Variants in ADARB2 observed in about 807,000 individuals in gnomAD.
The protein encoded by ADARB2 is adenosine deaminase RNA specific B2 (inactive).
A neutral mutation model predicts 62.2 loss-of-function variants in ADARB2; 25 were observed. That is an observed-to-expected ratio of 0.40 (90% confidence interval 0.29 to 0.56). The LOEUF (loss-of-function observed/expected upper bound fraction) is 0.56, where lower values mean the gene tolerates loss of function less well. Ranked by LOEUF, ADARB2 falls within the 20% of genes least tolerant of loss-of-function variation. The pLI is 0.43. For missense variants in ADARB2, 1,071 were observed against 1,077.4 expected (o/e 0.99, Z 0.08); for synonymous variants, 572 against 500.8 (o/e 1.14, Z -1.90).
intron 1 of ADARB2, among the ~76,000 whole-genome samples, chr10:1,639,786 G>A (rs1039638965): frequency 9.9e-5 from 15 of 152,162 alleles, no homozygotes; most frequent in Admixed American, 8.5e-4. Flanking sequence ...AGGTTGCAGC[G>A]AGCGGAGATC....
chr10:1,320,772 A>C (rs193061304), intron 3 of ADARB2, among the ~76,000 whole-genome samples: 13 of 152,372 alleles, frequency 8.5e-5, no homozygotes, highest in Non-Finnish European at 1.8e-4. Context: ...ATGATAAAAT[A>C]ATTCCTTAAG....
At chr10:1,584,798 G>A (rs1833152872) in intron 1 of ADARB2, among the ~76,000 whole-genome samples, 1 of 152,128 alleles carries the variant, frequency 6.6e-6, no homozygotes, top group African/African-American at 2.4e-5. Flanking sequence ...GCCACAAAAA[G>A]ACACGGGGGA....
At chr10:1,350,231 G>A (rs118173817) in intron 3 of ADARB2, among the ~76,000 whole-genome samples, 2,785 of 152,210 alleles carry the variant, frequency 0.018, 34 homozygotes, top group Middle Eastern at 0.065. Context: ...CTGACGTCCA[G>A]GCTTTCTTTC....
At chr10:1,431,789 T>G (rs749018650) in intron 1 of ADARB2, among the ~76,000 whole-genome samples, 1 of 152,220 alleles carries the variant, frequency 6.6e-6, no homozygotes, top group African/African-American at 2.4e-5. Flanking sequence ...ACAGAACGTG[T>G]AGTTTTTAAA....
At chr10:1,725,479 AG>A (rs1411357263) in intron 1 of ADARB2, among the ~76,000 whole-genome samples, 7 of 152,206 alleles carry the variant, frequency 4.6e-5, no homozygotes, top group Admixed American at 4.6e-4. Context: ...TGCAGCCCAG[AG>A]GAAGAGACGC....
chr10:1,691,437 C>T (rs959702291), intron 1 of ADARB2, among the ~76,000 whole-genome samples: 5 of 152,164 alleles, frequency 3.3e-5, no homozygotes, highest in African/African-American at 9.7e-5. Context: ...TTTCTTGTGT[C>T]TCAGAGTCTA....
At chr10:1,408,508 C>T (rs1024762618) in intron 1 of ADARB2, among the ~76,000 whole-genome samples, 4 of 152,202 alleles carry the variant, frequency 2.6e-5, no homozygotes, top group Admixed American at 6.5e-5. Flanking sequence ...TCAGGGCTCT[C>T]GATTTCCAAA....
intron 7 of ADARB2, among the ~76,000 whole-genome samples, chr10:1,213,330 G>C (rs914633359): frequency 6.6e-6 from 1 of 151,636 alleles, no homozygotes; most frequent in Admixed American, 6.6e-5. Context: ...CGCAGAGACA[G>C]AGAGAGGCCG....
At chr10:1,430,055 G>A (rs116706878) in intron 1 of ADARB2, among the ~76,000 whole-genome samples, 130 of 152,270 alleles carry the variant, frequency 8.5e-4, no homozygotes, top group African/African-American at 3.1e-3. Flanking sequence ...TCCTCATGTG[G>A]CGCTCTCTAT....
intron 1 of ADARB2, among the ~76,000 whole-genome samples, chr10:1,427,805 C>A (rs72762980): frequency 0.043 from 6,566 of 152,278 alleles, 191 homozygotes; most frequent in Non-Finnish European, 0.063. Flanking sequence ...TTTATAATAG[C>A]TCCACACTGG....
chr10:1,316,594 G>A (rs757996878), intron 3 of ADARB2, among the ~76,000 whole-genome samples: 4 of 152,176 alleles, frequency 2.6e-5, no homozygotes, highest in Non-Finnish European at 4.4e-5. Context: ...TGGTACAACC[G>A]TAAATCTTAT....
intron 1 of ADARB2, among the ~76,000 whole-genome samples, chr10:1,552,143 C>T (rs1249647674): frequency 6.6e-6 from 1 of 152,250 alleles, no homozygotes; most frequent in Non-Finnish European, 1.5e-5. Flanking sequence ...TGCTCCTGGC[C>T]ACTCCCACTC....
At chr10:1,375,803 C>T (rs1344188377) in intron 2 of ADARB2, among the ~76,000 whole-genome samples, 1 of 120,240 alleles carries the variant, frequency 8.3e-6, no homozygotes, top group African/African-American at 2.7e-5. Flanking sequence ...CACGCACACA[C>T]ACACCACACA....
intron 1 of ADARB2, among the ~76,000 whole-genome samples, chr10:1,450,492 C>G (rs987925259): frequency 2.6e-5 from 4 of 152,244 alleles, no homozygotes; most frequent in African/African-American, 7.2e-5. Flanking sequence ...GTGCCTCCTG[C>G]ACCTGCAAAT....
intron 1 of ADARB2, among the ~76,000 whole-genome samples, chr10:1,427,074 T>C (rs1564286676): frequency 6.6e-6 from 1 of 152,232 alleles, no homozygotes; most frequent in African/African-American, 2.4e-5. Flanking sequence ...AAAATTTAGA[T>C]CCTCCATAAG....
rs371293525 is a variant in ADARB2 at position 1,658,092 on chromosome 10, TTCTC to T, written c.100+78955_100+78958del. On this transcript the variant is annotated intron_variant, in intron 1 of 9. Transcript: ENST00000381312. The stretch of plus-strand genomic sequence containing the variant: ...TGTGTCTCTGTGTCTCTCTGTCTGA[TTCTC>T]TCTCTCTGTCTCTATCTGATTCTGT... Among the ~76,000 whole-genome samples, 769 of 151,748 alleles carry T rather than the reference TTCTC, an allele frequency of 5.1e-3. 5 individuals are homozygous for T. The highest frequency in any genetic ancestry group is 0.018 in the African/African-American group (728 of 41,334).
chr10:1,497,927 G>A (rs1831713326), intron 1 of ADARB2, among the ~76,000 whole-genome samples: 1 of 152,094 alleles, frequency 6.6e-6, no homozygotes, highest in Non-Finnish European at 1.5e-5. Context: ...GGGTGGGATG[G>A]GAGAGAATAA....
intron 1 of ADARB2, among the ~76,000 whole-genome samples, chr10:1,623,026 C>A (rs1051063413): frequency 1.3e-5 from 2 of 152,112 alleles, no homozygotes; most frequent in African/African-American, 4.8e-5. Context: ...CGCGCCCCAA[C>A]ACAGATGAGC....
chr10:1,568,118 G>A (rs1236806300), intron 1 of ADARB2, among the ~76,000 whole-genome samples: 4 of 152,228 alleles, frequency 2.6e-5, no homozygotes, highest in Non-Finnish European at 5.9e-5. Context: ...ACGGCGCAGT[G>A]CAAACCACCC....
Sources: allele counts gnomAD v4.1 joint callset (sites outside exome capture counted in the v4.1 genomes callset), GRCh38; gene constraint gnomAD v4.1.1; transcripts MANE v1.5; gene names NCBI Gene and HGNC (gene_info 2026-07-23, HGNC 2026-07-21).